The following LRRC4C variants were observed in gnomAD, a reference collection of about 807,000 sequenced individuals.
LRRC4C encodes the protein leucine rich repeat containing 4C.
In LRRC4C, 5 loss-of-function variants were observed where a neutral mutation model predicts 33.6. The ratio of observed to expected loss-of-function variants is 0.15; its 90% CI spans 0.08 to 0.31. The LOEUF is 0.31. LRRC4C is among the 10% of genes least tolerant of loss of function. LRRC4C has a pLI of 1.00. For synonymous variants in LRRC4C, 329 were observed against 302.0 expected (o/e 1.09, Z -0.93); for missense variants, 560 against 796.7 (o/e 0.70, Z 3.58).
intron 4 of LRRC4C, among the ~76,000 whole-genome samples, chr11:40,280,889 C>T (rs760966562): frequency 4.6e-5 from 7 of 152,066 alleles, no homozygotes; most frequent in Non-Finnish European, 1.0e-4. Context: ...AAACAGAAAC[C>T]CGGATAGAAG....
rs375355740 is a variant in LRRC4C at position 41,248,524 on chromosome 11, C to T, written c.-496+210907G>A. ...GAGGGTCCTTTGAATGGATTATCCT[C>T]CTACTACAAATGTTCTTCCTTCTCA... On this transcript the variant is annotated intron_variant, in intron 1 of 6. Transcript: ENST00000528697. Among the ~76,000 whole-genome samples the T allele has an allele frequency of 1.2e-4, 18 of 152,270 alleles. No individual in the cohort carries two copies. In the South Asian group the frequency reaches 3.1e-3, roughly 26 times the overall value.
In LRRC4C at chr11:40,200,868, C is replaced by T. The variant is rs183626305; in HGVS notation, c.-96+40651G>A. Among the ~76,000 whole-genome samples, 6 of 151,870 alleles carry T rather than the reference C, an allele frequency of 4.0e-5. No individual in the cohort carries two copies. In the East Asian group the frequency reaches 1.2e-3, roughly 29 times the overall value. Reference sequence around the variant, plus strand: ...AAGCCTGAATCAACACCACAGAATCCTTGGTAAGTCAGGTAAAGCTGAATT... The same window carrying T: ...AAGCCTGAATCAACACCACAGAATCTTTGGTAAGTCAGGTAAAGCTGAATT... On this transcript the variant is annotated intron_variant, in intron 5 of 6. Coordinates refer to ENST00000528697, the MANE Select transcript of LRRC4C (RefSeq NM_001258419.2).
intron 3 of LRRC4C, among the ~76,000 whole-genome samples, chr11:40,328,481 G>T (rs980653425): frequency 6.6e-6 from 1 of 152,108 alleles, no homozygotes; most frequent in Non-Finnish European, 1.5e-5. Flanking sequence ...TTAGCTGTTG[G>T]AGACAACTAA....
intron 3 of LRRC4C, among the ~76,000 whole-genome samples, chr11:40,546,395 A>T (rs1235566086): frequency 1.3e-5 from 2 of 152,062 alleles, no homozygotes; most frequent in African/African-American, 2.4e-5. Context: ...ACTGTGGTCA[A>T]GTTATTTAAC....
chr11:41,276,142 CT>C (rs1360288156), intron 1 of LRRC4C, among the ~76,000 whole-genome samples: 1 of 152,136 alleles, frequency 6.6e-6, no homozygotes, highest in East Asian at 1.9e-4. Flanking sequence ...AAATTTAGCT[CT>C]AACAAAGATA....
intron 2 of LRRC4C, among the ~76,000 whole-genome samples, chr11:40,847,101 A>T (rs994259030): frequency 4.1e-5 from 6 of 146,490 alleles, no homozygotes; most frequent in African/African-American, 1.5e-4. Context: ...CTGCAAAGAT[A>T]ATTTGACTTC....
chr11:40,266,907 T>G (rs963337877), intron 4 of LRRC4C, among the ~76,000 whole-genome samples: 4 of 152,090 alleles, frequency 2.6e-5, no homozygotes, highest in Admixed American at 6.5e-5. Flanking sequence ...AAGTTTGGAT[T>G]TCGGTGTATG....
chr11:40,775,714 T>C (rs553135938), intron 2 of LRRC4C, among the ~76,000 whole-genome samples: 31 of 152,328 alleles, frequency 2.0e-4, no homozygotes, highest in African/African-American at 7.5e-4. Context: ...AATCATATTG[T>C]AAGTAAAGAG....
At chr11:41,382,479 T>C (rs1953192770) in intron 1 of LRRC4C, among the ~76,000 whole-genome samples, 1 of 152,098 alleles carries the variant, frequency 6.6e-6, no homozygotes, top group South Asian at 2.1e-4. Flanking sequence ...TTTGTCTATG[T>C]TCACTGCTAC....
chr11:40,777,875 A>G (rs1950070837), intron 2 of LRRC4C, among the ~76,000 whole-genome samples: 1 of 151,916 alleles, frequency 6.6e-6, no homozygotes, highest in Admixed American at 6.6e-5. Context: ...TTATTAATAG[A>G]GACAGTGTTT....
intron 3 of LRRC4C, among the ~76,000 whole-genome samples, chr11:40,641,043 T>A (rs1000403272): frequency 5.4e-5 from 8 of 147,822 alleles, no homozygotes; most frequent in Admixed American, 4.7e-4. Context: ...AAAGTAAATT[T>A]AAAAAAACCT....
intron 2 of LRRC4C, among the ~76,000 whole-genome samples, chr11:40,878,843 A>C (rs1955039181): frequency 6.6e-6 from 1 of 152,184 alleles, no homozygotes; most frequent in Non-Finnish European, 1.5e-5. Flanking sequence ...TACAAGAATT[A>C]GAGATGCTAT....
At chr11:41,357,423 A>G (rs1056170972) in intron 1 of LRRC4C, among the ~76,000 whole-genome samples, 2 of 152,136 alleles carry the variant, frequency 1.3e-5, no homozygotes, top group African/African-American at 4.8e-5. Flanking sequence ...AGTATAAGAT[A>G]TTTTATTTGA....
At chr11:40,700,932 T>A (rs1224564880) in intron 2 of LRRC4C, among the ~76,000 whole-genome samples, 1 of 152,202 alleles carries the variant, frequency 6.6e-6, no homozygotes, top group Admixed American at 6.5e-5. Flanking sequence ...TTGACTTCGC[T>A]CTTTCCAACT....
At chr11:40,239,366 A>G (rs1219309393) in intron 5 of LRRC4C, among the ~76,000 whole-genome samples, 3 of 152,110 alleles carry the variant, frequency 2.0e-5, no homozygotes. Flanking sequence ...CTCGTCCACT[A>G]CTTTGTAACC....
chr11:41,265,252 T>C (rs1949110998), intron 1 of LRRC4C, among the ~76,000 whole-genome samples: 1 of 152,092 alleles, frequency 6.6e-6, no homozygotes, highest in Admixed American at 6.6e-5. Context: ...ACCTCAAGAA[T>C]GTTATTCTGC....
intron 1 of LRRC4C, among the ~76,000 whole-genome samples, chr11:41,294,760 C>T (rs1488014129): frequency 6.6e-6 from 1 of 152,062 alleles, no homozygotes; most frequent in Non-Finnish European, 1.5e-5. Flanking sequence ...CCCAATAAAA[C>T]TATTATAGCA....
chr11:40,506,251 C>T (rs1349395028), intron 3 of LRRC4C, among the ~76,000 whole-genome samples: 3 of 152,168 alleles, frequency 2.0e-5, no homozygotes, highest in African/African-American at 7.2e-5. Context: ...CATGCTCTGA[C>T]TCACAGTTTT....
At chr11:40,401,251 CTCTT>C (rs1949747568) in intron 3 of LRRC4C, among the ~76,000 whole-genome samples, 1 of 151,984 alleles carries the variant, frequency 6.6e-6, no homozygotes. Context: ...CTCTCTCTCT[CTCTT>C]TCCCTCTCTT....
Sources: allele counts gnomAD v4.1 joint callset (sites outside exome capture counted in the v4.1 genomes callset), GRCh38; gene constraint gnomAD v4.1.1; transcripts MANE v1.5; gene names NCBI Gene and HGNC (gene_info 2026-07-23, HGNC 2026-07-21).